KCNK13: variants seen among roughly 807,000 people sequenced by gnomAD.
KCNK13 encodes potassium two pore domain channel subfamily K member 13.
Under a neutral mutation model 23.4 loss-of-function variants are expected in KCNK13, and 12 were observed. That is an observed-to-expected ratio of 0.51 (90% confidence interval 0.33 to 0.83). The LOEUF is 0.83. KCNK13 is among the 40% of genes least tolerant of loss of function. KCNK13 has a pLI of 0.02. For synonymous variants in KCNK13, 231 were observed against 229.5 expected, an observed-to-expected ratio of 1.01 and a Z score of -0.06; for missense variants, 463 against 556.3, an observed-to-expected ratio of 0.83 and a Z score of 1.69.
chr14:90,125,091 T>TGTAATAAAAA (rs1566955913), intron 1 of KCNK13, among the ~76,000 whole-genome samples: 1 of 152,142 alleles, frequency 6.6e-6, no homozygotes, highest in Non-Finnish European at 1.5e-5. Context: ...GGGACGTTTT[T>TGTAATAAAAA]GTAATAAAAA....
At chr14:90,169,016 G>T (rs1439767727) in intron 1 of KCNK13, among the ~76,000 whole-genome samples, 1 of 152,166 alleles carries the variant, frequency 6.6e-6, no homozygotes, top group Non-Finnish European at 1.5e-5. Context: ...CCCCAACCGT[G>T]TGGAGCTGTG....
chr14:90,069,082 G>T (rs1889043621), intron 1 of KCNK13, among the ~76,000 whole-genome samples: 1 of 144,750 alleles, frequency 6.9e-6, no homozygotes, highest in Non-Finnish European at 1.5e-5. Context: ...TGTCACTGAG[G>T]CTAGAGTGCA....
chr14:90,168,705 T>C (rs1369183747), intron 1 of KCNK13, among the ~76,000 whole-genome samples: 1 of 152,206 alleles, frequency 6.6e-6, no homozygotes, highest in Non-Finnish European at 1.5e-5. Context: ...TCAGGGGATT[T>C]CTTGGCATAC....
At chr14:90,156,138 G>A (rs1294791916) in intron 1 of KCNK13, among the ~76,000 whole-genome samples, 4 of 151,570 alleles carry the variant, frequency 2.6e-5, no homozygotes, top group Admixed American at 6.6e-5. Flanking sequence ...CCGGTAGGTC[G>A]AGGCTGCAGT....
rs1455062510 is a variant in KCNK13 at position 90,136,917 on chromosome 14, C to T, written c.335-47194C>T. ...GTCTCAAGGTGATGTTCATTAGCGTCGTCATGTGTATTTCTCTGGCCAAGA... is the reference window on the plus strand; with the variant it reads ...GTCTCAAGGTGATGTTCATTAGCGTTGTCATGTGTATTTCTCTGGCCAAGA... On this transcript the variant is annotated intron_variant, in intron 1 of 1. Transcript: ENST00000282146. Among the ~76,000 whole-genome samples the T allele has an allele frequency of 3.3e-5, 5 of 152,108 alleles. No individual in the cohort carries two copies. In the East Asian group the frequency reaches 5.8e-4, roughly 18 times the overall value.
At chr14:90,091,201 C>G (rs1488571474) in intron 1 of KCNK13, among the ~76,000 whole-genome samples, 1 of 152,120 alleles carries the variant, frequency 6.6e-6, no homozygotes, top group African/African-American at 2.4e-5. Flanking sequence ...TAAATTGCAT[C>G]CAGTTTGATC....
At chr14:90,120,612 C>T (rs1320985186) in intron 1 of KCNK13, among the ~76,000 whole-genome samples, 1 of 152,162 alleles carries the variant, frequency 6.6e-6, no homozygotes. Context: ...ATCATGTGAA[C>T]GGCATGGGGG....
rs1187486190 is a variant in KCNK13 at position 90,185,138 on chromosome 14, G to A, written c.*135G>A. ...CCGGGAGCCTCCGCAAGCATCTTTA[G>A]AAATCTGATCTCGGCTCCAACCAAC... On this transcript the variant is annotated 3_prime_UTR_variant, in exon 2 of 2. Coordinates refer to ENST00000282146, the MANE Select transcript of KCNK13 (RefSeq NM_022054.4). The A allele has an allele frequency of 1.3e-6, 1 of 768,970 alleles. No individual in the cohort carries two copies. Among genetic ancestry groups the A allele is most frequent in the East Asian group, 2.8e-5 (1 of 35,924 alleles). 47.6% of individuals were successfully genotyped at this position (768,970 alleles called of 1,614,324 possible). A position where few individuals can be genotyped will look rare whatever the true frequency, so the allele number is the denominator to read the frequency against.
chr14:90,081,776 G>A (rs557692249), intron 1 of KCNK13, among the ~76,000 whole-genome samples: 120 of 152,274 alleles, frequency 7.9e-4, no homozygotes, highest in African/African-American at 2.6e-3. Context: ...AACTCATGTT[G>A]AGGCTTGGTC....
chr14:90,063,464 GT>G, intron 1 of KCNK13, among the ~76,000 whole-genome samples: 1 of 152,304 alleles, frequency 6.6e-6, no homozygotes, highest in East Asian at 1.9e-4. Context: ...GAATAATCAA[GT>G]GATTAATGGG....
Position 90,184,926 on chromosome 14 carries a change from G to C in KCNK13, c.1150G>C (p.Asp384His). 1 of 1,613,244 alleles carries C rather than the reference G, an allele frequency of 6.2e-7. No individual in the cohort carries two copies. The highest frequency in any genetic ancestry group is 8.5e-7 in the Non-Finnish European group (1 of 1,179,480). Reference sequence around the variant, plus strand: ...CCACCAGACCAGCACACTGGCCCGGGACAATGAATTCTCAGGGGGGGTGGG... The same window carrying C: ...CCACCAGACCAGCACACTGGCCCGGCACAATGAATTCTCAGGGGGGGTGGG... ...CPHQTSTLAR[D>H]NEFSGGVGAF... The change falls in exon 2 of 2, where the codon GAC becomes CAC. Residue 384 changes from aspartate to histidine, a missense_variant. Asp to His is a moderately conservative substitution (Grantham distance 81). Around this residue, in one of 3 missense-constraint regions of KCNK13, gnomAD observed 166 missense variants for 178.8 expected, o/e 0.93. Transcript: ENST00000282146. The surrounding 1 kb of genome is among the most constrained non-coding windows in gnomAD (Gnocchi z 5.6).
intron 1 of KCNK13, among the ~76,000 whole-genome samples, chr14:90,158,912 C>T (rs920041927): frequency 6.6e-6 from 1 of 152,154 alleles, no homozygotes; most frequent in Non-Finnish European, 1.5e-5. Context: ...TCTGTGGGTC[C>T]CCAGTTGGAA....
At chr14:90,107,757 G>A in intron 1 of KCNK13, 1 of 817,764 alleles carries the variant, frequency 1.2e-6, no homozygotes, top group Non-Finnish European at 2.2e-6. Flanking sequence ...TTCTGCAGGA[G>A]GACCCAAGAG....
Position 90,094,653 on chromosome 14 carries a change from T to TC in KCNK13, c.334+32114_334+32115insC, listed in dbSNP as rs575116031. Among the ~76,000 whole-genome samples, 470 of 143,828 alleles carry TC rather than the reference T, an allele frequency of 3.3e-3. 2 individuals carry two copies. Among genetic ancestry groups the TC allele is most frequent in the African/African-American group, 0.011 (438 of 38,668 alleles). 94.4% of individuals were successfully genotyped at this position (143,828 alleles called of 152,430 possible). ...GGACTTTTCTTTTTTTTCTTTTTTT[T>TC]TTTTTTTTTTTTTTGAGATGGAGCC... On this transcript the variant is annotated intron_variant, in intron 1 of 1. Coordinates refer to ENST00000282146, the MANE Select transcript of KCNK13 (RefSeq NM_022054.4).
At chr14:90,073,661 TTTTTTGTTTTTG>T (rs1196899307) in intron 1 of KCNK13, among the ~76,000 whole-genome samples, 1 of 152,020 alleles carries the variant, frequency 6.6e-6, no homozygotes, top group South Asian at 2.1e-4. Context: ...AGTTGTTGTG[TTTTTTGTTTTTG>T]TTTTTGTTTT....
At chr14:90,152,991 G>A (rs1219747827) in intron 1 of KCNK13, among the ~76,000 whole-genome samples, 2 of 152,014 alleles carry the variant, frequency 1.3e-5, no homozygotes, top group African/African-American at 2.4e-5. Flanking sequence ...ACTCAACTCT[G>A]CCCATCCCCA....
At chr14:90,110,905 A>T (rs1036497796) in intron 1 of KCNK13, among the ~76,000 whole-genome samples, 6 of 151,622 alleles carry the variant, frequency 4.0e-5, no homozygotes, top group African/African-American at 1.5e-4. Flanking sequence ...GCTACTCAGG[A>T]AGCTGAGGCA....
intron 1 of KCNK13, among the ~76,000 whole-genome samples, chr14:90,130,026 G>A (rs1889848583): frequency 6.6e-6 from 1 of 152,042 alleles, no homozygotes; most frequent in African/African-American, 2.4e-5. Flanking sequence ...GACATGTTTT[G>A]TCTGTTCTTT....
At chr14:90,162,807 C>G (rs548542247) in intron 1 of KCNK13, among the ~76,000 whole-genome samples, 1 of 152,238 alleles carries the variant, frequency 6.6e-6, no homozygotes, top group South Asian at 2.1e-4. Context: ...TTTAGTGTAG[C>G]AGCAAAACAT....
Sources: gnomAD v4.1 joint callset for allele counts (sites outside exome capture counted in the v4.1 genomes callset) on GRCh38, gnomAD v4.1.1 for gene constraint, gnomAD v4.1.1 regional missense constraint, Gnocchi (gnomAD v3.1) non-coding constraint, MANE v1.5 for transcripts, NCBI Gene and HGNC (gene_info 2026-07-23, HGNC 2026-07-21) for gene names.